Variants in FHIP2A observed in about 807,000 individuals in gnomAD.
FHIP2A encodes the protein FHF complex subunit HOOK interacting protein 2A, also known as family with sequence similarity 160 member B1.
In FHIP2A, 46 loss-of-function variants were observed where a neutral mutation model predicts 93.5. The ratio of observed to expected loss-of-function variants is 0.49; its 90% CI spans 0.39 to 0.63. The LOEUF is 0.63. FHIP2A is among the 20% of genes least tolerant of loss of function. The pLI is 0.00. For synonymous variants in FHIP2A, 332 were observed against 326.5 expected (o/e 1.02, Z -0.18); for missense variants, 769 against 909.7 (o/e 0.85, Z 1.99).
intron 16 of FHIP2A, chr10:114,899,448 C>G (rs368186880): frequency 1.4e-6 from 1 of 718,238 alleles, no homozygotes; most frequent in South Asian, 1.5e-5. Flanking sequence ...AGGGATCAGC[C>G]GTCTTACCTT....
chr10:114,838,866 A>G (rs942278575), intron 5 of FHIP2A, among the ~76,000 whole-genome samples: 10 of 152,228 alleles, frequency 6.6e-5, no homozygotes, highest in African/African-American at 2.2e-4. Flanking sequence ...ATATTTCTCC[A>G]AAGCCTGAGG....
At chr10:114,859,428 C>G (rs1178219675) in intron 14 of FHIP2A, among the ~76,000 whole-genome samples, 1 of 152,164 alleles carries the variant, frequency 6.6e-6, no homozygotes, top group Non-Finnish European at 1.5e-5. Context: ...TGTTCAGTGG[C>G]TGAGAGTGAA....
Position 114,846,112 on chromosome 10 carries a change from A to G in FHIP2A, c.1205+23A>G, listed in dbSNP as rs147535557. ...AACGTGAGTAGCCTGTTTTCTTTTGAAAAAAACCGCATCACTGTGTCATGT... is the reference window on the plus strand; with the variant it reads ...AACGTGAGTAGCCTGTTTTCTTTTGGAAAAAACCGCATCACTGTGTCATGT... On this transcript the variant is annotated intron_variant, in intron 9 of 16. Coordinates refer to ENST00000369248, the MANE Select transcript of FHIP2A (RefSeq NM_020940.4). 3.9e-4 allele frequency: 622 copies of G among 1,612,818 alleles called. 1 individual carries two copies. The African/African-American group carries it at 6.5e-3, about 17-fold the overall frequency.
chr10:114,867,221 A>G (rs1208998942), downstream of FHIP2A, among the ~76,000 whole-genome samples: 2 of 151,814 alleles, frequency 1.3e-5, no homozygotes, highest in Non-Finnish European at 2.9e-5. Context: ...AAAAAAAAAA[A>G]AAGAAGTTAT....
At chr10:114,880,780 A>G (rs186999929) in intron 16 of FHIP2A, among the ~76,000 whole-genome samples, 16 of 148,866 alleles carry the variant, frequency 1.1e-4, no homozygotes, top group African/African-American at 3.7e-4. Context: ...TTAAGGAAGC[A>G]CTCCGAGTGA....
intron 13 of FHIP2A, among the ~76,000 whole-genome samples, chr10:114,853,870 A>T (rs1167446624): frequency 2.0e-5 from 3 of 152,174 alleles, no homozygotes; most frequent in African/African-American, 7.2e-5. Context: ...CTGGTGGCTC[A>T]TGCCACTGCA....
chr10:114,842,648 C>T (rs1447446715), intron 5 of FHIP2A, among the ~76,000 whole-genome samples: 1 of 151,788 alleles, frequency 6.6e-6, no homozygotes, highest in Non-Finnish European at 1.5e-5. Context: ...TCCTCACTAA[C>T]ATTAGTTGTT....
chr10:114,830,780 A>T, intron 1 of FHIP2A, 72 bp from the exon 2 acceptor site: 2 of 977,588 alleles, frequency 2.0e-6, no homozygotes, highest in South Asian at 1.6e-5. Context: ...GTAATAGATA[A>T]ATACAGAGTT....
intron 13 of FHIP2A, among the ~76,000 whole-genome samples, chr10:114,853,654 A>C (rs1592023039): frequency 1.3e-5 from 2 of 152,244 alleles, no homozygotes; most frequent in East Asian, 3.8e-4. Flanking sequence ...AAGCTATAAG[A>C]AATTATAAGT....
In FHIP2A at chr10:114,875,666, G is replaced by A. The variant is rs1325560546; in HGVS notation, c.2192+14332G>A. The stretch of plus-strand genomic sequence containing the variant: ...GCCAAGATTGCGCCATTGCACTCAA[G>A]CCTGGCAATTGAGCGAGACTCTGTC... On this transcript the variant is annotated intron_variant, in intron 16 of 16. Coordinates refer to the FHIP2A transcript ENST00000369250. 6.6e-5 allele frequency among the ~76,000 whole-genome samples: 10 copies of A among 151,628 alleles called. No individual in the cohort carries two copies. The East Asian group carries it at 1.6e-3, about 24-fold the overall frequency.
intron 1 of FHIP2A, among the ~76,000 whole-genome samples, chr10:114,825,888 A>G (rs1374178341): frequency 6.6e-6 from 1 of 152,256 alleles, no homozygotes; most frequent in African/African-American, 2.4e-5. Flanking sequence ...CAGAGAGGAT[A>G]AAGGACAGTG....
intron 13 of FHIP2A, among the ~76,000 whole-genome samples, chr10:114,851,736 A>AAAAAAG (rs60619982): frequency 6.7e-6 from 1 of 148,388 alleles, no homozygotes; most frequent in Non-Finnish European, 1.5e-5. Context: ...AAAAAAAAAA[A>AAAAAAG]GCAATTGAAA....
At chr10:114,861,093 G>A in intron 15 of FHIP2A, 138 bp from the exon 16 acceptor site, 1 of 1,161,018 alleles carries the variant, frequency 8.6e-7, no homozygotes, top group Non-Finnish European at 1.2e-6. Context: ...ATGAGTCCTT[G>A]GTTAAAGATG....
chr10:114,828,646 T>G (rs1361523765), intron 1 of FHIP2A, among the ~76,000 whole-genome samples: 1 of 152,204 alleles, frequency 6.6e-6, no homozygotes, highest in Admixed American at 6.5e-5. Context: ...CTAAACATTT[T>G]AGGAAGATGA....
At chr10:114,895,932 A>G (rs1442793480) in intron 16 of FHIP2A, among the ~76,000 whole-genome samples, 2 of 152,144 alleles carry the variant, frequency 1.3e-5, no homozygotes, top group Admixed American at 6.6e-5. Flanking sequence ...GCTGCTATCA[A>G]TTTATTCTCA....
intron 16 of FHIP2A, among the ~76,000 whole-genome samples, chr10:114,874,584 C>A (rs942842932): frequency 5.9e-5 from 9 of 152,278 alleles, no homozygotes; most frequent in Non-Finnish European, 1.0e-4. Flanking sequence ...CTCAGTGCAA[C>A]CTCCGCCTCC....
At chr10:114,847,655 C>T (rs1305343526) in intron 12 of FHIP2A, among the ~76,000 whole-genome samples, 1 of 152,068 alleles carries the variant, frequency 6.6e-6, no homozygotes, top group Non-Finnish European at 1.5e-5. Flanking sequence ...GCTTATGTAA[C>T]AAGTGCCAGG....
chr10:114,826,064 C>G lies in FHIP2A; in HGVS notation c.45+3941C>G, dbSNP rs576696069. ...TGCCCTGGAAATTCAAACCACAAAT[C>G]AAATGTATCTCATGTTTTCTCAGGC... On this transcript the variant is annotated intron_variant, in intron 1 of 16. Transcript: ENST00000369248. 4.6e-5 allele frequency among the ~76,000 whole-genome samples: 7 copies of G among 152,302 alleles called. No homozygotes were observed. In the South Asian group the frequency reaches 1.4e-3, roughly 32 times the overall value.
At chr10:114,889,102 G>C (rs1284856129) in intron 16 of FHIP2A, among the ~76,000 whole-genome samples, 1 of 152,088 alleles carries the variant, frequency 6.6e-6, no homozygotes, top group African/African-American at 2.4e-5. Context: ...AGGTAATTTA[G>C]CAATAGGTTT....
Sources: allele counts gnomAD v4.1 joint callset (sites outside exome capture counted in the v4.1 genomes callset), GRCh38; gene constraint gnomAD v4.1.1; transcripts MANE v1.5; gene names NCBI Gene and HGNC (gene_info 2026-07-23, HGNC 2026-07-21).